IGF1R: variants seen among roughly 807,000 people sequenced by gnomAD.
The protein encoded by IGF1R is insulin like growth factor 1 receptor, also known as insulin-like growth factor 1 receptor.
Under a neutral mutation model 144.6 loss-of-function variants are expected in IGF1R, and 44 were observed. The observed-to-expected ratio is 0.30, with a 90% confidence interval of 0.24 to 0.39. The LOEUF (loss-of-function observed/expected upper bound fraction) is 0.39. IGF1R is among the 10% of genes least tolerant of loss of function. The pLI, the probability that IGF1R is intolerant of heterozygous loss-of-function variation, is 1.00. For synonymous variants in IGF1R, 795 were observed against 722.8 expected (o/e 1.10, Z -1.60); for missense variants, 1,355 against 1,833.7 (o/e 0.74, Z 4.77).
rs189616610 is a variant in IGF1R at position 98,916,213 on chromosome 15, C to G, written c.1996+82C>G. 4,522 of 1,305,588 alleles carry G rather than the reference C, an allele frequency of 3.5e-3. 11 individuals carry two copies. Among genetic ancestry groups the G allele is most frequent in the Non-Finnish European group, 4.2e-3 (3,778 of 907,874 alleles). The allele number at this position is 1,305,588 out of a possible 1,614,324, so 80.9% of individuals were successfully genotyped here. ...AATGTGCCTGAGCCCTAATATTACA[C>G]GTATCAGACAACAGTGTAGTTCTCC... On this transcript the variant is annotated intron_variant, in intron 9 of 20. Coordinates refer to ENST00000650285, the MANE Select transcript of IGF1R (RefSeq NM_000875.5).
At chr15:98,907,714 G>A (rs974138439) in intron 5 of IGF1R, among the ~76,000 whole-genome samples, 4 of 152,244 alleles carry the variant, frequency 2.6e-5, no homozygotes, top group Non-Finnish European at 4.4e-5. Flanking sequence ...CCTCTCCAGG[G>A]ATGGACTTGT....
At chr15:98,848,099 T>C (rs1279117162) in intron 2 of IGF1R, among the ~76,000 whole-genome samples, 1 of 152,228 alleles carries the variant, frequency 6.6e-6, no homozygotes, top group Non-Finnish European at 1.5e-5. Context: ...AGTGACACTC[T>C]GGAGCTGGAC....
At chr15:98,791,855 A>T (rs775021429) in intron 2 of IGF1R, among the ~76,000 whole-genome samples, 22 of 152,174 alleles carry the variant, frequency 1.4e-4, no homozygotes, top group Non-Finnish European at 2.1e-4. Context: ...ACAGACTGAG[A>T]GTTTCAGTGG....
chr15:98,869,723 C>T (rs2012678749), intron 2 of IGF1R, among the ~76,000 whole-genome samples: 1 of 152,208 alleles, frequency 6.6e-6, no homozygotes, highest in Admixed American at 6.5e-5. Context: ...GCATGAACCA[C>T]CGCACTCCCT....
intron 2 of IGF1R, among the ~76,000 whole-genome samples, chr15:98,825,209 C>T (rs1324351094): frequency 1.3e-5 from 2 of 151,936 alleles, no homozygotes; most frequent in African/African-American, 4.8e-5. Context: ...TATACAGTGG[C>T]ACCATATTAG....
At chr15:98,926,629 C>G (rs1249377354) in intron 13 of IGF1R, among the ~76,000 whole-genome samples, 1 of 152,144 alleles carries the variant, frequency 6.6e-6, no homozygotes, top group Non-Finnish European at 1.5e-5. Context: ...GTCACCTGGT[C>G]AGCACCAGAT....
At chr15:98,820,267 A>T (rs528939380) in intron 2 of IGF1R, among the ~76,000 whole-genome samples, 1 of 152,262 alleles carries the variant, frequency 6.6e-6, no homozygotes, top group Admixed American at 6.5e-5. Flanking sequence ...ATACGTAGGT[A>T]ATTTCATATC....
intron 2 of IGF1R, among the ~76,000 whole-genome samples, chr15:98,888,668 A>G (rs2013761629): frequency 6.6e-6 from 1 of 152,144 alleles, no homozygotes; most frequent in African/African-American, 2.4e-5. Flanking sequence ...TTGAGAGCCA[A>G]TCCTTATCAA....
intron 2 of IGF1R, among the ~76,000 whole-genome samples, chr15:98,724,181 A>G (rs983303378): frequency 1.3e-5 from 2 of 152,218 alleles, no homozygotes; most frequent in Non-Finnish European, 2.9e-5. Context: ...AACTTTTTCT[A>G]TTGTGTGCCA....
Position 98,729,952 on chromosome 15 carries a change from A to G in IGF1R, c.640+21845A>G, listed in dbSNP as rs192025593. Among the ~76,000 whole-genome samples the G allele has an allele frequency of 5.3e-5, 8 of 152,310 alleles. No homozygotes were observed. The East Asian group carries it at 1.4e-3, about 26-fold the overall frequency. On this transcript the variant is annotated intron_variant, in intron 2 of 20. Coordinates refer to ENST00000650285, the MANE Select transcript of IGF1R (RefSeq NM_000875.5). Reference sequence around the variant, plus strand: ...TGCAGGTCCATGATATTGTAATTAAAAAGTTATGGGATCACAAGGGCCTAT... The same window carrying G: ...TGCAGGTCCATGATATTGTAATTAAGAAGTTATGGGATCACAAGGGCCTAT...
intron 1 of IGF1R, among the ~76,000 whole-genome samples, chr15:98,657,762 A>C (rs2141171430): frequency 6.6e-6 from 1 of 152,290 alleles, no homozygotes; most frequent in South Asian, 2.1e-4. Flanking sequence ...ACCTCAGTAA[A>C]ATTTTCAGCA....
intron 2 of IGF1R, among the ~76,000 whole-genome samples, chr15:98,846,730 G>A (rs1445865311): frequency 2.6e-5 from 4 of 152,196 alleles, no homozygotes; most frequent in Non-Finnish European, 5.9e-5. Flanking sequence ...CTGCCTTAAA[G>A]GCATTGGATG....
intron 13 of IGF1R, among the ~76,000 whole-genome samples, chr15:98,929,023 T>G (rs1183840610): frequency 6.6e-6 from 1 of 152,178 alleles, no homozygotes; most frequent in African/African-American, 2.4e-5. Flanking sequence ...GAATTTCTAT[T>G]CATTTTATGA....
rs544674838 is a variant in IGF1R at position 98,649,525 on chromosome 15, C to CTTTTTTTTTTTT, written c.-44_-33dup. ...TCATTTCCTTTTTTTCTTTTCTTTT[C>CTTTTTTTTTTTT]TTTTTTTTTTTTTTTTTTTTTTTTG... On this transcript the variant is annotated 5_prime_UTR_variant, in exon 1 of 21. Coordinates refer to ENST00000650285, the MANE Select transcript of IGF1R (RefSeq NM_000875.5). 61 of 726,200 alleles carry CTTTTTTTTTTTT rather than the reference C, an allele frequency of 8.4e-5. No homozygotes were observed. The highest frequency in any genetic ancestry group is 3.6e-4 in the South Asian group (20 of 56,202). The allele number at this position is 726,200 out of a possible 1,614,324, so 45.0% of individuals were successfully genotyped here. A position where few individuals can be genotyped will look rare whatever the true frequency, so the allele number is the denominator to read the frequency against.
intron 20 of IGF1R, among the ~76,000 whole-genome samples, chr15:98,954,913 G>GGACA (rs2016919964): frequency 6.6e-6 from 1 of 152,172 alleles, no homozygotes; most frequent in Non-Finnish European, 1.5e-5. Flanking sequence ...TGGACAGTTA[G>GGACA]GTGAGGGAGG....
chr15:98,884,810 C>T lies in IGF1R; in HGVS notation c.641-6515C>T, dbSNP rs115447412. Among the ~76,000 whole-genome samples, 410 of 152,152 alleles carry T rather than the reference C, an allele frequency of 2.7e-3. 2 individuals are homozygous for T. Among genetic ancestry groups the T allele is most frequent in the African/African-American group, 9.4e-3 (392 of 41,500 alleles). On this transcript the variant is annotated intron_variant, in intron 2 of 20. Coordinates refer to ENST00000650285, the MANE Select transcript of IGF1R (RefSeq NM_000875.5). ...GATCTGGGCTACTGAGGCTAGAATG[C>T]ACATCTGATCATGTGCCTCCTGCTT... is the stretch of plus-strand genomic sequence containing the variant.
chr15:98,681,274 C>T (rs2053182462), intron 1 of IGF1R, among the ~76,000 whole-genome samples: 1 of 152,164 alleles, frequency 6.6e-6, no homozygotes, highest in Non-Finnish European at 1.5e-5. Context: ...TCTGCCTGCA[C>T]CTTGTTTCGC....
At chr15:98,867,087 A>AT (rs889402446) in intron 2 of IGF1R, among the ~76,000 whole-genome samples, 12 of 149,120 alleles carry the variant, frequency 8.0e-5, no homozygotes, top group East Asian at 2.0e-4. Flanking sequence ...ATGGAGGTTT[A>AT]TTTTTTTTTA....
chr15:98,701,413 T>A (rs1434854596), intron 1 of IGF1R, among the ~76,000 whole-genome samples: 1 of 133,306 alleles, frequency 7.5e-6, no homozygotes, highest in Non-Finnish European at 1.5e-5. Context: ...CTCAGCTCAC[T>A]GCAAGCTCCG....
Sources: allele counts gnomAD v4.1 joint callset (sites outside exome capture counted in the v4.1 genomes callset), GRCh38; gene constraint gnomAD v4.1.1; transcripts MANE v1.5; gene names NCBI Gene and HGNC (gene_info 2026-07-23, HGNC 2026-07-21).